Variants in CAST observed in about 807,000 individuals in gnomAD.
CAST encodes calpastatin, also known as MIR583 host.
A neutral mutation model predicts 119.6 loss-of-function variants in CAST; 76 were observed. That is an observed-to-expected ratio of 0.64 (90% CI 0.53 to 0.77). CAST has a LOEUF of 0.77. CAST is among the 30% of genes least tolerant of loss of function. CAST has a pLI of 0.00. For synonymous variants in CAST, 319 were observed against 331.6 expected (o/e 0.96, Z 0.41); for missense variants, 953 against 946.5 (o/e 1.01, Z -0.09).
At chr5:96,399,869 C>CA in the CAST span, 6 of 1,087,998 alleles carry the variant, frequency 5.5e-6, no homozygotes, top group Admixed American at 1.9e-5. Flanking sequence ...AGGGTAGATA[C>CA]AAAAAAATCA....
the CAST span, among the ~76,000 whole-genome samples, chr5:96,054,000 A>T: frequency 6.6e-6 from 1 of 152,064 alleles, no homozygotes; most frequent in African/African-American, 2.4e-5. Context: ...GTTGTGGTTT[A>T]TTCTTAATAT....
the CAST span, chr5:96,433,353 T>C: frequency 4.8e-6 from 2 of 421,048 alleles, no homozygotes; most frequent in African/African-American, 2.0e-5. Context: ...ATCCGAATGG[T>C]ATTCCCGGCG....
chr5:95,994,574 T>A, the CAST span, among the ~76,000 whole-genome samples: 1 of 152,054 alleles, frequency 6.6e-6, no homozygotes, highest in East Asian at 1.9e-4. Context: ...ACAATTCTGA[T>A]AACTCATCAA....
the CAST span, among the ~76,000 whole-genome samples, chr5:96,066,874 C>T: frequency 6.6e-6 from 1 of 151,918 alleles, no homozygotes; most frequent in Non-Finnish European, 1.5e-5. Context: ...GTATGTTGCC[C>T]AGGCTGGTCC....
the CAST span, among the ~76,000 whole-genome samples, chr5:96,167,767 T>C: frequency 4.3e-4 from 65 of 152,248 alleles, no homozygotes; most frequent in East Asian, 3.9e-3. Flanking sequence ...CCTCTACCCA[T>C]CCAGTGAAAG....
the CAST span, among the ~76,000 whole-genome samples, chr5:96,505,809 C>CA: frequency 6.6e-6 from 1 of 152,242 alleles, no homozygotes; most frequent in African/African-American, 2.4e-5. Context: ...GCTACATCCA[C>CA]AGGCTTCATC....
chr5:96,168,423 G>C, the CAST span, among the ~76,000 whole-genome samples: 391 of 152,310 alleles, frequency 2.6e-3, 1 homozygote, highest in African/African-American at 9.1e-3. Flanking sequence ...CAGCATGGTG[G>C]TGCAGGACAT....
At chr5:96,378,018 C>T in the CAST span, among the ~76,000 whole-genome samples, 85 of 152,040 alleles carry the variant, frequency 5.6e-4, no homozygotes, top group East Asian at 1.2e-3. Flanking sequence ...ACCATATGGA[C>T]GAACCTGGGG....
chr5:96,409,336 G>A, the CAST span, among the ~76,000 whole-genome samples: 1 of 152,192 alleles, frequency 6.6e-6, no homozygotes, highest in African/African-American at 2.4e-5. Flanking sequence ...CCTGCTTGGA[G>A]TTGCTGAATT....
chr5:96,146,826 AT>A, the CAST span, among the ~76,000 whole-genome samples: 1 of 152,224 alleles, frequency 6.6e-6, no homozygotes, highest in Non-Finnish European at 1.5e-5. Context: ...TCAGTATACC[AT>A]CTGGAACATG....
At chr5:96,409,533 T>A in the CAST span, among the ~76,000 whole-genome samples, 1 of 152,216 alleles carries the variant, frequency 6.6e-6, no homozygotes, top group Non-Finnish European at 1.5e-5. Flanking sequence ...CTGGCTTTCT[T>A]AAGGAGGGAG....
intron 1 of CAST, among the ~76,000 whole-genome samples, chr5:96,559,538 A>T (rs1381715333): frequency 6.6e-6 from 1 of 152,248 alleles, no homozygotes; most frequent in East Asian, 1.9e-4. Context: ...ATGTGCAAAA[A>T]TCACAAGCAT....
intron 24 of CAST, chr5:96,761,645 G>A (rs1767997563): frequency 6.6e-6 from 1 of 152,072 alleles, no homozygotes; most frequent in Non-Finnish European, 1.5e-5. Flanking sequence ...TCAAAAGGGA[G>A]TATTTGAAAT....
At chr5:96,412,620 A>G in the CAST span, 14 of 808,120 alleles carry the variant, frequency 1.7e-5, no homozygotes, top group East Asian at 5.3e-5. Flanking sequence ...TACTAGATAG[A>G]TGTCCCCAAT....
At chr5:96,416,050 T>C in the CAST span, 5 of 1,608,414 alleles carry the variant, frequency 3.1e-6, no homozygotes, top group Non-Finnish European at 4.3e-6. Context: ...TTTGGAATTG[T>C]ATGCAACTCC....
chr5:96,606,985 T>C (rs2150195307), intron 1 of CAST, among the ~76,000 whole-genome samples: 1 of 152,338 alleles, frequency 6.6e-6, no homozygotes, highest in Middle Eastern at 3.4e-3. Context: ...TGATGTGTGC[T>C]AAAGTTTAAG....
chr5:96,409,414 C>CG, the CAST span, among the ~76,000 whole-genome samples: 1 of 152,130 alleles, frequency 6.6e-6, no homozygotes, highest in African/African-American at 2.4e-5. Flanking sequence ...TACCTGTTGA[C>CG]GCAAGCAAGC....
intron 1 of CAST, among the ~76,000 whole-genome samples, chr5:96,665,912 G>A (rs1749278716): frequency 6.6e-6 from 1 of 151,462 alleles, no homozygotes; most frequent in Non-Finnish European, 1.5e-5. Context: ...CTGTCTGTAT[G>A]TACACATGCA....
intron 3 of CAST, among the ~76,000 whole-genome samples, chr5:96,697,436 A>G (rs1753436945): frequency 6.6e-6 from 1 of 152,192 alleles, no homozygotes; most frequent in South Asian, 2.1e-4. Flanking sequence ...CAAACCAATA[A>G]TCAGCTGAGA....
Sources: allele counts gnomAD v4.1 joint callset (sites outside exome capture counted in the v4.1 genomes callset), GRCh38; gene constraint gnomAD v4.1.1; transcripts MANE v1.5; gene names NCBI Gene and HGNC (gene_info 2026-07-23, HGNC 2026-07-21).